The following SLC38A1 variants were observed in gnomAD, a reference collection of about 807,000 sequenced individuals.
SLC38A1 encodes sodium-coupled neutral amino acid symporter 1.
In SLC38A1, 18 loss-of-function variants were observed where a neutral mutation model predicts 60.3. The ratio of observed to expected loss-of-function variants is 0.30; its 90% CI spans 0.21 to 0.44. The LOEUF (loss-of-function observed/expected upper bound fraction) is 0.44, where lower values mean the gene tolerates loss of function less well. SLC38A1 is among the 20% of genes least tolerant of loss of function. The pLI, the probability that SLC38A1 is intolerant of heterozygous loss-of-function variation, is 1.00. For missense variants in SLC38A1, 448 were observed against 587.2 expected (o/e 0.76, Z 2.45); for synonymous variants, 196 against 212.1 (o/e 0.92, Z 0.66).
At chr12:46,256,636 C>CAGAGAGGGAGAG in intron 1 of SLC38A1, among the ~76,000 whole-genome samples, 1 of 123,268 alleles carries the variant, frequency 8.1e-6, no homozygotes, top group African/African-American at 3.4e-5. Flanking sequence ...CACACACACA[C>CAGAGAGGGAGAG]AGAGAGAGAG....
intron 1 of SLC38A1, among the ~76,000 whole-genome samples, chr12:46,259,143 C>T (rs1290284937): frequency 6.6e-6 from 1 of 152,182 alleles, no homozygotes. Context: ...CAAAACATCA[C>T]GTTGCACACC....
At chr12:46,228,502 A>C (rs531818082) in intron 5 of SLC38A1, among the ~76,000 whole-genome samples, 1 of 152,318 alleles carries the variant, frequency 6.6e-6, no homozygotes, top group East Asian at 1.9e-4. Context: ...GTGACATTTG[A>C]GAGGGAATCA....
chr12:46,265,845 GC>G (rs1314741012), intron 1 of SLC38A1, among the ~76,000 whole-genome samples: 1 of 151,976 alleles, frequency 6.6e-6, no homozygotes, highest in Non-Finnish European at 1.5e-5. Context: ...TTTCTCCACC[GC>G]CCACTCCCAC....
At position 46,184,732 on chromosome 12, in the gene SLC38A1, C is replaced by T. The variant is rs913535496; in HGVS notation, c.*4238G>A. The T allele has an allele frequency of 1.3e-5, 2 of 152,082 alleles. No individual in the cohort carries two copies. The highest frequency in any genetic ancestry group is 2.9e-5 in the Non-Finnish European group (2 of 67,936). 9.4% of individuals were successfully genotyped at this position (152,082 alleles called of 1,614,324 possible). On this transcript the variant is annotated 3_prime_UTR_variant, in exon 17 of 17. Transcript: ENST00000398637. ...AACACAAACACTGGAGAACTTCTGACACAAATTCAGTATTTCTTCTAAGTC... is the reference window on the plus strand; with the variant it reads ...AACACAAACACTGGAGAACTTCTGATACAAATTCAGTATTTCTTCTAAGTC...
chr12:46,198,117 T>C (rs1337391132), intron 14 of SLC38A1, 57 bp from the exon 15 acceptor site: 1 of 1,573,548 alleles, frequency 6.4e-7, no homozygotes. Flanking sequence ...AACATTGACA[T>C]TTCTCTGCAG....
rs530138909 is a variant in SLC38A1, at chr12:46,233,525, A to T, written c.123-3886T>A. Among the ~76,000 whole-genome samples the T allele has an allele frequency of 3.9e-5, 6 of 152,150 alleles. No homozygotes were observed. The South Asian group carries it at 1.2e-3, about 32-fold the overall frequency. ...AGATCTAAATTCCAGGCCTGGTAACACTCCCCTGGGTTGGTAGCAAAGCAT... is the reference window on the plus strand; with the variant it reads ...AGATCTAAATTCCAGGCCTGGTAACTCTCCCCTGGGTTGGTAGCAAAGCAT... On this transcript the variant is annotated intron_variant, in intron 3 of 16. Transcript: ENST00000398637.
intron 5 of SLC38A1, among the ~76,000 whole-genome samples, chr12:46,216,584 C>T (rs1940422354): frequency 6.6e-6 from 1 of 152,186 alleles, no homozygotes; most frequent in Non-Finnish European, 1.5e-5. Flanking sequence ...GGCGCGGTGG[C>T]TCACACCTGT....
chr12:46,236,787 G>A (rs1025649117), intron 3 of SLC38A1, among the ~76,000 whole-genome samples: 10 of 152,140 alleles, frequency 6.6e-5, no homozygotes, highest in Admixed American at 3.3e-4. Flanking sequence ...AGTTATGGGC[G>A]TCACCTGGGA....
chr12:46,198,064 C>T lies in SLC38A1; in HGVS notation c.1123-4G>A. Reference sequence around the variant, plus strand: ...GTTCAAATAAAGATGAACGAACCTGCAAGAAAAGAAAACAAAGATTCTGTA... The same window carrying T: ...GTTCAAATAAAGATGAACGAACCTGTAAGAAAAGAAAACAAAGATTCTGTA... On this transcript the variant is annotated splice_region_variant and splice_polypyrimidine_tract_variant and intron_variant, in intron 14 of 16. Coordinates refer to ENST00000398637, the MANE Select transcript of SLC38A1 (RefSeq NM_030674.4). 1 of 1,612,570 alleles carries T rather than the reference C, an allele frequency of 6.2e-7. No homozygotes were observed. Among genetic ancestry groups the T allele is most frequent in the Non-Finnish European group, 8.5e-7 (1 of 1,179,576 alleles).
chr12:46,200,386 C>G (rs946762601), intron 13 of SLC38A1, among the ~76,000 whole-genome samples: 22 of 151,050 alleles, frequency 1.5e-4, no homozygotes, highest in Non-Finnish European at 1.8e-4. Context: ...TATATATATA[C>G]ACACACATAT....
intron 2 of SLC38A1, among the ~76,000 whole-genome samples, chr12:46,240,868 TC>T (rs1233682788): frequency 2.6e-5 from 4 of 152,210 alleles, no homozygotes; most frequent in Admixed American, 6.5e-5. Context: ...TCACATTTTC[TC>T]CCATATGGAT....
chr12:46,206,229 A>T (rs1592082884), intron 8 of SLC38A1, 67 bp from the exon 9 acceptor site: 1 of 863,576 alleles, frequency 1.2e-6, no homozygotes, highest in Non-Finnish European at 1.9e-6. Flanking sequence ...TCCAATGTAA[A>T]ATTTCATGAT....
intron 8 of SLC38A1, 73 bp from the exon 9 acceptor site, chr12:46,206,235 A>T: frequency 1.4e-6 from 1 of 737,278 alleles, no homozygotes; most frequent in Non-Finnish European, 2.3e-6. Context: ...GTAAAATTTC[A>T]TGATATCATG....
intron 5 of SLC38A1, among the ~76,000 whole-genome samples, chr12:46,225,479 G>A (rs1940827076): frequency 6.6e-6 from 1 of 152,160 alleles, no homozygotes; most frequent in Admixed American, 6.5e-5. Flanking sequence ...ACACATGCCT[G>A]CTGGGATAAT....
chr12:46,223,452 T>TCACACACACACA (rs146387838), intron 5 of SLC38A1, among the ~76,000 whole-genome samples: 78 of 146,184 alleles, frequency 5.3e-4, no homozygotes, highest in African/African-American at 1.7e-3. Flanking sequence ...TCTCTCACAT[T>TCACACACACACA]CACACACACA....
chr12:46,189,067 G>A lies in SLC38A1; in HGVS notation c.1367C>T (p.Ala456Val). Reference protein sequence around the residue: ...GDKGTQRIWAALFLGLGVLFS... With the variant: ...GDKGTQRIWAVLFLGLGVLFS... ...CAACACCCCCAGGCCCAAGAAAAGG[G>A]CAGCCTGGAGCAAGAGAAAGGCAAG... The change falls in exon 17 of 17, where the codon GCC becomes GTC. Residue 456 changes from alanine to valine, a missense_variant. Ala to Val is a moderately conservative substitution (Grantham distance 64, BLOSUM62 0). Transcript: ENST00000398637. The A allele has an allele frequency of 6.2e-7, 1 of 1,613,476 alleles. No individual in the cohort carries two copies. Among genetic ancestry groups the A allele is most frequent in the Non-Finnish European group, 8.5e-7 (1 of 1,179,656 alleles).
intron 16 of SLC38A1, among the ~76,000 whole-genome samples, chr12:46,192,732 A>G (rs1316370541): frequency 6.6e-6 from 1 of 152,156 alleles, no homozygotes; most frequent in Non-Finnish European, 1.5e-5. Flanking sequence ...AGGTGTTTAT[A>G]GTATTCTCTG....
At chr12:46,228,979 A>C (rs1251595874) in intron 5 of SLC38A1, among the ~76,000 whole-genome samples, 174 bp downstream of exon 5, 1 of 152,194 alleles carries the variant, frequency 6.6e-6, no homozygotes, top group Non-Finnish European at 1.5e-5. Context: ...TGTTGTAAGC[A>C]TTAGGTACAG....
chr12:46,210,550 C>T (rs1283585515), intron 5 of SLC38A1, among the ~76,000 whole-genome samples: 2 of 151,950 alleles, frequency 1.3e-5, no homozygotes, highest in Admixed American at 6.6e-5. Flanking sequence ...TATGGTTTGG[C>T]TGTGTCCCCA....
Sources: allele counts gnomAD v4.1 joint callset (sites outside exome capture counted in the v4.1 genomes callset), GRCh38; gene constraint gnomAD v4.1.1; transcripts MANE v1.5; gene names NCBI Gene and HGNC (gene_info 2026-07-23, HGNC 2026-07-21).